TTN: variants seen among roughly 807,000 people sequenced by gnomAD.
The protein encoded by TTN is titin, also known as connectin.
A neutral mutation model predicts 3,223.0 loss-of-function variants in TTN; 1,525 were observed. The observed-to-expected ratio is 0.47, with a 90% CI of 0.45 to 0.49. The LOEUF is 0.49. Ranked by LOEUF, TTN falls within the 20% of genes least tolerant of loss-of-function variation. The pLI is 0.00. For synonymous variants in TTN, 14,094 were observed against 15,161.0 expected (o/e 0.93, Z 5.17); for missense variants, 40,786 against 43,424.0 (o/e 0.94, Z 5.40).
rs756485222 is a variant in TTN at position 178,580,389 on chromosome 2, T to C, written c.66990A>G (p.Gly22330=). The C allele has an allele frequency of 1.9e-6, 3 of 1,613,324 alleles. No homozygotes were observed. The highest frequency in any genetic ancestry group is 2.5e-6 in the Non-Finnish European group (3 of 1,179,466). ...TGTTCTCCAGGGTTAAGATATATTT[T>C]CCTGCATCATATTTGTTCACATTTT... is the stretch of plus-strand genomic sequence containing the variant. ...RCENVNKYDA[G]KYILTLENSC... is the part of the protein sequence containing the mutation. The change falls in exon 317 of 363, where the codon GGA becomes GGG. Residue 22330 remains glycine, a synonymous_variant. Transcript: ENST00000589042.
rs1708142554 is a variant in TTN at position 178,571,445 on chromosome 2, T to G, written c.74687A>C (p.Asn24896Thr). The change falls in exon 326 of 363, where the codon AAT becomes ACT. Residue 24896 changes from asparagine to threonine, a missense_variant. Transcript: ENST00000589042. ...ATATTGGGCTACAGTAGGCTCTGAA[T>G]TGAGGTAGGTACTCTTCCCATATCT... ...ENRYGKSTYLNSEPTVAQYPF... is the reference protein window; with the variant it reads ...ENRYGKSTYLTSEPTVAQYPF... 4 of 1,613,454 alleles carry G rather than the reference T, an allele frequency of 2.5e-6. No homozygotes were observed. In the East Asian group the frequency reaches 6.7e-5, roughly 27 times the overall value.
In TTN at chr2:178,741,276, A is replaced by C. The variant is rs760585458; in HGVS notation, c.11957T>G (p.Ile3986Ser). ...KQLCTSVYYT[I>S]IHNPNGSGTF... ...TCCAGAGCCATTAGGGTTATGAATGATAGTGTAATAAACACTGGTGCAAAG... is the reference window on the plus strand; with the variant it reads ...TCCAGAGCCATTAGGGTTATGAATGCTAGTGTAATAAACACTGGTGCAAAG... The change falls in exon 48 of 363, where the codon ATC (isoleucine) becomes AGC (serine). Residue 3986 changes from isoleucine to serine, a missense_variant. Transcript: ENST00000589042. The C allele has an allele frequency of 1.9e-6, 3 of 1,613,916 alleles. No individual in the cohort carries two copies. Among genetic ancestry groups the C allele is most frequent in the Non-Finnish European group, 2.5e-6 (3 of 1,179,850 alleles).
intron 350 of TTN, 163 bp downstream of exon 350, chr2:178,541,119 G>A: frequency 3.0e-6 from 2 of 657,430 alleles, no homozygotes; most frequent in Non-Finnish European, 4.5e-6. Context: ...ACGGACACAA[G>A]GGAACTTTAC....
chr2:178,642,043 A>C (rs938242754), intron 219 of TTN, among the ~76,000 whole-genome samples, 194 bp downstream of exon 219: 9 of 151,658 alleles, frequency 5.9e-5, no homozygotes, highest in African/African-American at 2.2e-4. Flanking sequence ...ATGCTCACAA[A>C]ATTTCTGTCT....
chr2:178,598,706 G>T (rs2052462712), intron 291 of TTN, 42 bp downstream of exon 291: 1 of 1,602,516 alleles, frequency 6.2e-7, no homozygotes, highest in Non-Finnish European at 8.5e-7. Context: ...AGGCACTTTT[G>T]GAAAATAAGA....
At chr2:178,664,760 T>C in intron 166 of TTN, 23 bp from the exon 167 acceptor site, 1 of 1,611,718 alleles carries the variant, frequency 6.2e-7, no homozygotes, top group Non-Finnish European at 8.5e-7. Flanking sequence ...AGTAGTTTTA[T>C]GTTTAGTGTT....
Position 178,773,679 on chromosome 2 carries a change from G to A in TTN, c.7377C>T (p.Gly2459=). 6.2e-7 allele frequency: 1 copy of A among 1,614,038 alleles called. No homozygotes were observed. The highest frequency in any genetic ancestry group is 8.5e-7 in the Non-Finnish European group (1 of 1,179,966). ...CCTTACATTCAAGCACAGCCTTGGT[G>A]CCTTCAATCACATTAACATCTTTTA... The part of the protein sequence containing the change: ...TPLKDVNVIE[G]TKAVLECKVS... Residue 2459 remains glycine, a synonymous_variant, in exon 32 of 363, where the codon GGC becomes GGT. Transcript: ENST00000589042.
chr2:178,547,396 A>G lies in TTN; in HGVS notation c.94219+11T>C, dbSNP rs1184310421. 1.6e-5 allele frequency: 25 copies of G among 1,585,590 alleles called. No individual in the cohort carries two copies. Among genetic ancestry groups the G allele is most frequent in the South Asian group, 1.5e-4 (13 of 86,966 alleles). On this transcript the variant is annotated intron_variant, in intron 339 of 362. Transcript: ENST00000589042. Reference sequence around the variant, plus strand: ...ATAGAGACTTTGAAATAGGATTTTTATTTTTCTTACCAAATGGATGTTCAG... The same window carrying G: ...ATAGAGACTTTGAAATAGGATTTTTGTTTTTCTTACCAAATGGATGTTCAG...
chr2:178,526,005 G>A lies in TTN; in HGVS notation c.*1007C>T, dbSNP rs958981830. ...AGCCACACATTTTGAGGTGCAGATA[G>A]CTTGCTTTATTTTGTTGTTACTATC... On this transcript the variant is annotated 3_prime_UTR_variant, in exon 363 of 363. Coordinates refer to ENST00000589042, the MANE Select transcript of TTN (RefSeq NM_001267550.2). The A allele has an allele frequency of 2.0e-5, 3 of 152,590 alleles. No individual in the cohort carries two copies. The highest frequency in any genetic ancestry group is 7.2e-5 in the African/African-American group (3 of 41,438). 9.5% of individuals were successfully genotyped at this position (152,590 alleles called of 1,614,324 possible).
chr2:178,583,895 T>G lies in TTN; in HGVS notation c.65287A>C (p.Lys21763Gln). 1 of 1,573,920 alleles carries G rather than the reference T, an allele frequency of 6.4e-7. No individual in the cohort carries two copies. The highest frequency in any genetic ancestry group is 8.6e-7 in the Non-Finnish European group (1 of 1,156,278). Residue 21763 changes from lysine (K) to glutamine (Q), a missense_variant, in exon 312 of 363, where the codon AAA becomes CAA. Physicochemically the swap from Lys to Gln is moderately conservative, Grantham distance 53. Coordinates refer to ENST00000589042, the MANE Select transcript of TTN (RefSeq NM_001267550.2). ...TTGGTGACATCAATAACCTCAGGTTTCCCAGGAGGATCTAAAACAAAAAGA... is the reference window on the plus strand; with the variant it reads ...TTGGTGACATCAATAACCTCAGGTTGCCCAGGAGGATCTAAAACAAAAAGA... ...TARMPVDPPG[K>Q]PEVIDVTKST...
chr2:178,724,576 G>A, intron 71 of TTN, 38 bp from the exon 72 acceptor site: 1 of 1,534,510 alleles, frequency 6.5e-7, no homozygotes. Flanking sequence ...CAAAGTCTGG[G>A]ATCTTTACTC....
In TTN at chr2:178,547,593, T is replaced by C. The variant is rs756013336; in HGVS notation, c.94033A>G (p.Ile31345Val). 11 of 1,613,780 alleles carry C rather than the reference T, an allele frequency of 6.8e-6. No individual in the cohort carries two copies. Among genetic ancestry groups the C allele is most frequent in the African/African-American group, 5.3e-5 (4 of 74,928 alleles). The change falls in exon 339 of 363, where the codon ATA (isoleucine) becomes GTA (valine). Residue 31345 changes from isoleucine to valine, a missense_variant. Transcript: ENST00000589042. ...GTACCCGATTCACGCTTTTCAACTA[T>C]GTAATTAGTAATTTCAGTGCCTCCT... Reference protein sequence around the residue: ...DGGGTEITNYIVEKRESGTTA... With the variant: ...DGGGTEITNYVVEKRESGTTA...
intron 114 of TTN, 80 bp downstream of exon 114, chr2:178,695,785 C>A: frequency 2.7e-6 from 3 of 1,121,132 alleles, no homozygotes; most frequent in Non-Finnish European, 3.6e-6. Context: ...AACTGCAAAT[C>A]AGGTTCATAG....
intron 239 of TTN, among the ~76,000 whole-genome samples, chr2:178,629,763 T>C (rs896282009): frequency 5.3e-5 from 8 of 152,082 alleles, no homozygotes; most frequent in Non-Finnish European, 1.5e-5. Flanking sequence ...AAGACTCTGA[T>C]TGGGAGAGGA....
rs370875441 is a variant in TTN, at chr2:178,597,893, A to C, written c.57262+15T>G. The stretch of plus-strand genomic sequence containing the variant: ...AACATAAATACTGATGGCATAAGGA[A>C]GGATTGATAATTACCAAGTCTGTCC... On this transcript the variant is annotated intron_variant, in intron 293 of 362. Coordinates refer to ENST00000589042, the MANE Select transcript of TTN (RefSeq NM_001267550.2). 30 of 1,612,944 alleles carry C rather than the reference A, an allele frequency of 1.9e-5. No individual in the cohort carries two copies. In the African/African-American group the frequency reaches 2.8e-4, roughly 15 times the overall value.
chr2:178,557,221 TC>T, intron 329 of TTN, 31 bp downstream of exon 329: 1 of 1,613,226 alleles, frequency 6.2e-7, no homozygotes, highest in Non-Finnish European at 8.5e-7. Flanking sequence ...ATTTTTGTTA[TC>T]AGAACTGCCC....
intron 100 of TTN, 126 bp from the exon 101 acceptor site, chr2:178,707,080 A>T: frequency 1.3e-6 from 1 of 780,880 alleles, no homozygotes; most frequent in Non-Finnish European, 2.0e-6. Context: ...TTCTCTTTCT[A>T]TGTAAGGGTG....
At chr2:178,769,275 G>T (rs2091077274) in intron 37 of TTN, among the ~76,000 whole-genome samples, 1 of 151,096 alleles carries the variant, frequency 6.6e-6, no homozygotes, top group South Asian at 2.1e-4. Context: ...ATTTTTTGAG[G>T]CAGGTTCTCA....
intron 47 of TTN, chr2:178,748,072 T>C: frequency 6.2e-7 from 1 of 1,613,076 alleles, no homozygotes. Context: ...CACCAACCCC[T>C]AAAGGCTTTT....
Sources: allele counts gnomAD v4.1 joint callset (sites outside exome capture counted in the v4.1 genomes callset), GRCh38; gene constraint gnomAD v4.1.1; transcripts MANE v1.5; gene names NCBI Gene and HGNC (gene_info 2026-07-23, HGNC 2026-07-21).